The following RHPN2 variants were observed in gnomAD, a reference collection of about 807,000 sequenced individuals.
RHPN2 encodes rhophilin-2.
Under a neutral mutation model 79.0 loss-of-function variants are expected in RHPN2, and 40 were observed. That is an observed-to-expected ratio of 0.51 (90% confidence interval 0.39 to 0.66). RHPN2 has a LOEUF of 0.66. RHPN2 is among the 30% of genes least tolerant of loss of function. RHPN2 has a pLI of 0.00. For synonymous variants in RHPN2, 285 were observed against 363.5 expected, an observed-to-expected ratio of 0.78 and a Z score of 2.46; for missense variants, 686 against 883.5, an observed-to-expected ratio of 0.78 and a Z score of 2.83.
chr19:33,049,032 C>T (rs1972166931), intron 1 of RHPN2, among the ~76,000 whole-genome samples: 1 of 152,104 alleles, frequency 6.6e-6, no homozygotes, highest in African/African-American at 2.4e-5. Context: ...CTAACCAGCC[C>T]ATAGATATGT....
At position 33,009,840 on chromosome 19, in the gene RHPN2, G is replaced by C. The variant is rs191119561; in HGVS notation, c.594-1660C>G. Among the ~76,000 whole-genome samples, 275 of 151,474 alleles carry C rather than the reference G, an allele frequency of 1.8e-3. 1 individual carries two copies. Among genetic ancestry groups the C allele is most frequent in the African/African-American group, 6.3e-3 (258 of 41,262 alleles). On this transcript the variant is annotated intron_variant, in intron 6 of 14. Transcript: ENST00000254260. ...TTCGCCCAGGCTAGACTGCAGTGGC[G>C]CCATCTCAGCTCACTGCAGCCTCCA... is the stretch of plus-strand genomic sequence containing the variant.
intron 1 of RHPN2, among the ~76,000 whole-genome samples, chr19:33,045,929 T>C (rs1427388011): frequency 2.0e-5 from 3 of 152,246 alleles, no homozygotes; most frequent in Non-Finnish European, 2.9e-5. Flanking sequence ...GATTATTTCA[T>C]ATAAACGGAA....
At position 32,991,868 on chromosome 19, in the gene RHPN2, G is replaced by A. The variant is rs567875172; in HGVS notation, c.1599C>T (p.Asn533=). 72 of 1,613,956 alleles carry A rather than the reference G, an allele frequency of 4.5e-5. No homozygotes were observed. Among genetic ancestry groups the A allele is most frequent in the African/African-American group, 2.0e-4 (15 of 75,040 alleles). ...CCAGGAAGTGAACCTGAACGGGGGC[G>A]TTCCCTCTCAAGGTGAACCCCAAGT... ...EGDLGFTLRG[N]APVQVHFLDP... is the part of the protein sequence containing the mutation. The change falls in exon 13 of 15, where the codon AAC becomes AAT. Residue 533 remains asparagine (N), a synonymous_variant. Transcript: ENST00000254260.
chr19:32,998,133 G>A (rs11665739), intron 10 of RHPN2, among the ~76,000 whole-genome samples: 4,221 of 152,306 alleles, frequency 0.028, 97 homozygotes, highest in Non-Finnish European at 0.044. Context: ...GGCAAGCCAC[G>A]TGACCTCTCT....
At chr19:33,057,207 G>A (rs1972241041) in intron 1 of RHPN2, among the ~76,000 whole-genome samples, 2 of 151,688 alleles carry the variant, frequency 1.3e-5, no homozygotes. Context: ...GCCAGGCTTT[G>A]TGGCTCATGC....
chr19:33,029,750 T>C (rs1971996467), intron 2 of RHPN2, among the ~76,000 whole-genome samples: 1 of 152,048 alleles, frequency 6.6e-6, no homozygotes, highest in African/African-American at 2.4e-5. Flanking sequence ...GCAAAAGCCA[T>C]GGCTATGGTT....
intron 7 of RHPN2, among the ~76,000 whole-genome samples, chr19:33,004,139 AGC>A (rs747489465): frequency 6.6e-6 from 1 of 152,188 alleles, no homozygotes; most frequent in Non-Finnish European, 1.5e-5. Flanking sequence ...CCTGGGCTCA[AGC>A]GGTCCTCCCA....
rs905119069 is a variant in RHPN2 at position 32,979,767 on chromosome 19, A to G, written c.*229T>C. ...TCTATTTACAATACTTTATATAATA[A>G]ATAACTTACAGCAGTATAGTAACAC... On this transcript the variant is annotated 3_prime_UTR_variant, in exon 15 of 15. Transcript: ENST00000254260. 1 of 551,964 alleles carries G rather than the reference A, an allele frequency of 1.8e-6. No homozygotes were observed. Among genetic ancestry groups the G allele is most frequent in the African/African-American group, 1.9e-5 (1 of 53,062 alleles). The allele number at this position is 551,964 out of a possible 1,614,324, so 34.2% of individuals were successfully genotyped here.
chr19:32,981,691 C>CT (rs143731979), intron 14 of RHPN2, among the ~76,000 whole-genome samples: 3 of 137,328 alleles, frequency 2.2e-5, no homozygotes, highest in East Asian at 4.3e-4. Context: ...TTCTTTTTTT[C>CT]TTTTTTTTCT....
At chr19:33,029,044 G>T (rs1971989144) in intron 2 of RHPN2, among the ~76,000 whole-genome samples, 1 of 152,054 alleles carries the variant, frequency 6.6e-6, no homozygotes, top group Non-Finnish European at 1.5e-5. Context: ...GGAGCCTGAT[G>T]CAGGAGAATC....
intron 12 of RHPN2, 37 bp from the exon 13 acceptor site, chr19:32,992,006 G>T: frequency 6.2e-7 from 1 of 1,613,336 alleles, no homozygotes; most frequent in Non-Finnish European, 8.5e-7. Flanking sequence ...AGGATTTGAA[G>T]GCTGGATCAG....
intron 4 of RHPN2, among the ~76,000 whole-genome samples, chr19:33,018,766 C>T (rs958841771): frequency 3.9e-5 from 6 of 152,178 alleles, no homozygotes; most frequent in South Asian, 2.1e-4. Context: ...AGTAGTTGGC[C>T]GGGAGCGGCG....
rs567090384 is a variant in RHPN2, at chr19:33,064,870, G to T, written c.-18C>A. 2 of 1,499,250 alleles carry T rather than the reference G, an allele frequency of 1.3e-6. No individual in the cohort carries two copies. The highest frequency in any genetic ancestry group is 2.5e-5 in the South Asian group (2 of 80,728). 92.9% of individuals were successfully genotyped at this position (1,499,250 alleles called of 1,614,324 possible). A position where few individuals can be genotyped will look rare whatever the true frequency, so the allele number is the denominator to read the frequency against. On this transcript the variant is annotated 5_prime_UTR_variant, in exon 1 of 15. Transcript: ENST00000254260. ...TCGGTCATGCTAGCGGCGCGGGCGCGGAGGGCGGACGGCGGACTGAGGCGC... is the reference window on the plus strand; with the variant it reads ...TCGGTCATGCTAGCGGCGCGGGCGCTGAGGGCGGACGGCGGACTGAGGCGC...
chr19:32,994,134 G>T, intron 11 of RHPN2, 81 bp from the exon 12 acceptor site: 2 of 1,037,762 alleles, frequency 1.9e-6, no homozygotes, highest in Non-Finnish European at 3.0e-6. Flanking sequence ...TGTGGCTCAC[G>T]CCTGTAATCC....
At chr19:33,006,193 TA>T (rs35016567) in intron 7 of RHPN2, among the ~76,000 whole-genome samples, 52,404 of 149,230 alleles carry the variant, frequency 0.35, 9,584 homozygotes, top group East Asian at 0.48. Context: ...TTCATTAATT[TA>T]AAAAAAAAAA....
chr19:33,013,323 T>C (rs1971852107), intron 4 of RHPN2, among the ~76,000 whole-genome samples: 2 of 151,904 alleles, frequency 1.3e-5, no homozygotes, highest in South Asian at 2.1e-4. Flanking sequence ...GCCTCCCAAG[T>C]AGCTGGGATT....
Position 32,979,187 on chromosome 19 carries a change from A to G in RHPN2, c.*809T>C, listed in dbSNP as rs1403833964. 6.6e-6 allele frequency: 1 copy of G among 152,180 alleles called. No individual in the cohort carries two copies. Among genetic ancestry groups the G allele is most frequent in the Non-Finnish European group, 1.5e-5 (1 of 68,046 alleles). 9.4% of individuals were successfully genotyped at this position (152,180 alleles called of 1,614,324 possible). A position where few individuals can be genotyped will look rare whatever the true frequency, so the allele number is the denominator to read the frequency against. ...AAGTCAAATAGAGCTTTAAACCTGA[A>G]TCATTTACATCTTTACTTTATAAAA... On this transcript the variant is annotated 3_prime_UTR_variant, in exon 15 of 15. Transcript: ENST00000254260.
At chr19:33,006,208 CT>C (rs952396402) in intron 7 of RHPN2, among the ~76,000 whole-genome samples, 1 of 151,368 alleles carries the variant, frequency 6.6e-6, no homozygotes, top group Non-Finnish European at 1.5e-5. Context: ...AAAAAAAATT[CT>C]TTTTAGGGAT....
At chr19:33,027,143 C>T (rs1169837416) in intron 2 of RHPN2, 3 of 214,074 alleles carry the variant, frequency 1.4e-5, no homozygotes, top group East Asian at 2.0e-4. Flanking sequence ...GCCTGTAGTC[C>T]CAGCTATGCA....
Sources: allele counts gnomAD v4.1 joint callset (sites outside exome capture counted in the v4.1 genomes callset), GRCh38; gene constraint gnomAD v4.1.1; transcripts MANE v1.5; gene names NCBI Gene and HGNC (gene_info 2026-07-23, HGNC 2026-07-21).